NOA1: variants seen among roughly 807,000 people sequenced by gnomAD.
NOA1 encodes nitric oxide associated 1.
In NOA1, 35 loss-of-function variants were observed where a neutral mutation model predicts 58.4. The ratio of observed to expected loss-of-function variants is 0.60; its 90% CI spans 0.46 to 0.79. The LOEUF is 0.79. Ranked by LOEUF, NOA1 falls within the 30% of genes least tolerant of loss-of-function variation. NOA1 has a pLI of 0.00. For synonymous variants in NOA1, 397 were observed against 373.4 expected, an observed-to-expected ratio of 1.06 and a Z score of -0.73; for missense variants, 895 against 894.6, an observed-to-expected ratio of 1.00 and a Z score of -0.01.
intron 6 of NOA1, among the ~76,000 whole-genome samples, 189 bp downstream of exon 6, chr4:56,964,217 G>T (rs918810003): frequency 6.6e-6 from 1 of 151,970 alleles, no homozygotes; most frequent in Non-Finnish European, 1.5e-5. Flanking sequence ...ACAGGCATGC[G>T]CCACCATGCC....
Position 56,977,386 on chromosome 4 carries a change from TCAC to T in NOA1, c.197_199del (p.Gly66del), listed in dbSNP as rs772675479. ...CGGGAACAGAAAACGCTCCTGCATGTCACCACCTTCTCCAAAGCCCTCCGTGTC... is the reference window on the plus strand; with the variant it reads ...CGGGAACAGAAAACGCTCCTGCATGTCACCTTCTCCAAAGCCCTCCGTGTC... On this transcript the variant is annotated inframe_deletion, in exon 1 of 7. Transcript: ENST00000264230. 6.8e-6 allele frequency: 11 copies of T among 1,614,172 alleles called. No homozygotes were observed. The Admixed American group carries it at 1.7e-4, about 24-fold the overall frequency.
Position 56,974,804 on chromosome 4 carries a change from C to T in NOA1, c.1145-782G>A, listed in dbSNP as rs184332696. Among the ~76,000 whole-genome samples the T allele has an allele frequency of 6.2e-3, 940 of 151,974 alleles. 4 individuals are homozygous for T. Among genetic ancestry groups the T allele is most frequent in the Non-Finnish European group, 0.01 (711 of 67,958 alleles). ...CTTGGCTCAGCCTCCCAGGTTCAAG[C>T]GATTCTTCACCCTCAGCCTCCTGAG... On this transcript the variant is annotated intron_variant, in intron 1 of 6. Coordinates refer to ENST00000264230, the MANE Select transcript of NOA1 (RefSeq NM_032313.4).
chr4:56,971,583 GT>G (rs1721812072), intron 3 of NOA1, among the ~76,000 whole-genome samples: 1 of 152,174 alleles, frequency 6.6e-6, no homozygotes, highest in South Asian at 2.1e-4. Flanking sequence ...AACCAATGTG[GT>G]TTTGTAGGGA....
In NOA1 at chr4:56,977,020, C is replaced by T. The variant is rs751399381; in HGVS notation, c.566G>A (p.Arg189Gln). Residue 189 changes from arginine (R) to glutamine (Q), a missense_variant, in exon 1 of 7, where the codon CGG becomes CAG. Physicochemically the swap from Arg to Gln is conservative, Grantham distance 43. Transcript: ENST00000264230. ...GCTCACCTGCAGGCGTAGAGCGCGC[C>T]GGTGGTGCGACAGCAGCCAGCAGCG... ...CQRCWLLSHH[R>Q]RALRLQVSRE... 1.3e-6 allele frequency: 2 copies of T among 1,589,820 alleles called. No homozygotes were observed. The highest frequency in any genetic ancestry group is 3.4e-5 in the Admixed American group (2 of 59,280).
chr4:56,973,818 G>C, intron 2 of NOA1, 40 bp downstream of exon 2: 1 of 1,598,126 alleles, frequency 6.3e-7, no homozygotes, highest in Non-Finnish European at 8.5e-7. Context: ...AAGAATTTTA[G>C]CATAGTACCA....
chr4:56,971,079 G>C (rs1373636979), intron 3 of NOA1, among the ~76,000 whole-genome samples: 2 of 152,144 alleles, frequency 1.3e-5, no homozygotes, highest in African/African-American at 4.8e-5. Context: ...TTGGGAGGCT[G>C]AAGTGGGTGG....
rs968952723 is a variant in NOA1 at position 56,976,993 on chromosome 4, C to T, written c.593G>A (p.Arg198His). The change falls in exon 1 of 7, where the codon CGC (arginine) becomes CAC (histidine). Residue 198 changes from arginine to histidine, a missense_variant. Around this residue, in one of 3 missense-constraint regions of NOA1, gnomAD observed 680 missense variants for 656.5 expected, o/e 1.04. Transcript: ENST00000264230. ...HRRALRLQVS[R>H]EQYLELVSAA... The stretch of plus-strand genomic sequence containing the variant: ...GCTCACCAGCTCCAGGTACTGCTCG[C>T]GGCTCACCTGCAGGCGTAGAGCGCG... 2 of 1,594,624 alleles carry T rather than the reference C, an allele frequency of 1.3e-6. No individual in the cohort carries two copies. The highest frequency in any genetic ancestry group is 1.1e-5 in the South Asian group (1 of 90,750).
At chr4:56,967,934 T>C (rs962626383) in intron 4 of NOA1, among the ~76,000 whole-genome samples, 32 of 151,876 alleles carry the variant, frequency 2.1e-4, no homozygotes, top group Non-Finnish European at 4.4e-4. Context: ...TTTTTTTTTT[T>C]TGATATGGAG....
At chr4:56,973,085 C>T in intron 3 of NOA1, 63 bp downstream of exon 3, 1 of 1,426,770 alleles carries the variant, frequency 7.0e-7, no homozygotes, top group Admixed American at 1.7e-5. Flanking sequence ...GGGCAGCAGG[C>T]AATATAAACC....
intron 1 of NOA1, among the ~76,000 whole-genome samples, chr4:56,975,319 G>C (rs995010509): frequency 6.7e-6 from 1 of 150,210 alleles, no homozygotes; most frequent in Non-Finnish European, 1.5e-5. Flanking sequence ...CACTGAGCCC[G>C]GCAAAGCCAC....
In NOA1 at chr4:56,968,566, ATATAT is replaced by A. The variant is rs752801470; in HGVS notation, c.1516-56_1516-52del. 10 of 1,381,474 alleles carry A rather than the reference ATATAT, an allele frequency of 7.2e-6. No individual in the cohort carries two copies. In the Admixed American group the frequency reaches 8.8e-5, roughly 12 times the overall value. 85.6% of individuals were successfully genotyped at this position (1,381,474 alleles called of 1,614,324 possible). Reference sequence around the variant, plus strand: ...AGAAAATACTTTTATTGAAAATATGATATATTATGATTTACCCGTAAAATAAAAAG... The same window carrying A: ...AGAAAATACTTTTATTGAAAATATGATATGATTTACCCGTAAAATAAAAAG... On this transcript the variant is annotated intron_variant, in intron 3 of 6. Coordinates refer to ENST00000264230, the MANE Select transcript of NOA1 (RefSeq NM_032313.4).
chr4:56,974,031 C>G lies in NOA1; in HGVS notation c.1145-9G>C, dbSNP rs370411226. ...AAGGTTTAATGTAGTACCTGAAATA[C>G]ACAGAATAAATACATCTTTACAAAA... On this transcript the variant is annotated splice_polypyrimidine_tract_variant and intron_variant, in intron 1 of 6. Transcript: ENST00000264230. The G allele has an allele frequency of 1.1e-5, 17 of 1,601,074 alleles. No individual in the cohort carries two copies. Among genetic ancestry groups the G allele is most frequent in the Non-Finnish European group, 1.4e-5 (16 of 1,168,858 alleles).
At chr4:56,965,521 A>G (rs1315709064) in intron 5 of NOA1, among the ~76,000 whole-genome samples, 1 of 152,196 alleles carries the variant, frequency 6.6e-6, no homozygotes, top group African/African-American at 2.4e-5. Context: ...CAAGGAAAAC[A>G]TTAGTAAAGA....
chr4:56,966,192 A>G lies in NOA1; in HGVS notation c.1764+428T>C, dbSNP rs142537353. On this transcript the variant is annotated intron_variant, in intron 5 of 6. Transcript: ENST00000264230. ...CAGGCACCCATCACCACGCCTGGCTAATTTTTGTATTTTTAGTAGAGATGG... is the reference window on the plus strand; with the variant it reads ...CAGGCACCCATCACCACGCCTGGCTGATTTTTGTATTTTTAGTAGAGATGG... Among the ~76,000 whole-genome samples the G allele has an allele frequency of 2.1e-3, 315 of 151,894 alleles. 1 individual carries two copies. The highest frequency in any genetic ancestry group is 7.3e-3 in the African/African-American group (301 of 41,412).
Position 56,973,904 on chromosome 4 carries a change from T to A in NOA1, c.1263A>T (p.Gln421His), listed in dbSNP as rs1475233803. Residue 421 changes from glutamine to histidine, a missense_variant, in exon 2 of 7, where the codon CAA (glutamine) becomes CAT (histidine). This residue lies in a region of NOA1 where 680 missense variants were observed against 656.5 expected (regional missense o/e 1.04). Transcript: ENST00000264230. Reference sequence around the variant, plus strand: ...TGAGGACATTAAGCTGATTTTGTTCTTGCTCACTAAGATCTTCTTCAGCTT... The same window carrying A: ...TGAGGACATTAAGCTGATTTTGTTCATGCTCACTAAGATCTTCTTCAGCTT... ...STQAEEDLSE[Q>H]EQNQLNVLKK... is the part of the protein sequence containing the mutation. The A allele has an allele frequency of 6.2e-7, 1 of 1,614,216 alleles. No homozygotes were observed. Among genetic ancestry groups the A allele is most frequent in the Non-Finnish European group, 8.5e-7 (1 of 1,180,034 alleles).
chr4:56,965,693 G>GGTGTGTGTGT lies in NOA1; in HGVS notation c.1764+917_1764+926dup, dbSNP rs10548713. Among the ~76,000 whole-genome samples, 217 of 149,158 alleles carry GGTGTGTGTGT rather than the reference G, an allele frequency of 1.5e-3. 1 individual carries two copies. Among genetic ancestry groups the GGTGTGTGTGT allele is most frequent in the African/African-American group, 4.2e-3 (170 of 40,470 alleles). ...ACTATAGCTTAATTGTCCAAAGTATGGTGTGTGTGTGTGTGTGTGTGTGTG... is the reference window on the plus strand; with the variant it reads ...ACTATAGCTTAATTGTCCAAAGTATGGTGTGTGTGTGTGTGTGTGTGTGTGTGTGTGTGTG... On this transcript the variant is annotated intron_variant, in intron 5 of 6. Coordinates refer to ENST00000264230, the MANE Select transcript of NOA1 (RefSeq NM_032313.4).
intron 5 of NOA1, among the ~76,000 whole-genome samples, chr4:56,965,482 T>TGAAG (rs1318410300): frequency 1.3e-5 from 2 of 151,992 alleles, no homozygotes; most frequent in African/African-American, 4.8e-5. Flanking sequence ...ACTATGGTTG[T>TGAAG]GAAGGAAGGA....
At position 56,977,536 on chromosome 4, in the gene NOA1, C is replaced by A; in HGVS notation, c.50G>T (p.Gly17Val). ...ATGGCGCGCTGCCGTGGGAGCGGATCCACGAAGGAAAAGGCTCAGCAGCCT... is the reference window on the plus strand; with the variant it reads ...ATGGCGCGCTGCCGTGGGAGCGGATACACGAAGGAAAAGGCTCAGCAGCCT... ...PFRLLSLFLR[G>V]SAPTAARHGL... Residue 17 changes from glycine (G) to valine (V), a missense_variant, in exon 1 of 7, where the codon GGA becomes GTA. Physicochemically the swap from Gly to Val is moderately radical, Grantham distance 109. This residue lies in a region of NOA1 where 680 missense variants were observed against 656.5 expected (regional missense o/e 1.04). Transcript: ENST00000264230. The A allele has an allele frequency of 6.2e-7, 1 of 1,612,026 alleles. No individual in the cohort carries two copies. Among genetic ancestry groups the A allele is most frequent in the South Asian group, 1.1e-5 (1 of 90,974 alleles).
chr4:56,977,501 C>T lies in NOA1; in HGVS notation c.85G>A (p.Glu29Lys). The stretch of plus-strand genomic sequence containing the variant: ...GCGCACCTCCTCTCCAGGAGCGGCT[C>T]CCGGAGGCCATGGCGCGCTGCCGTG... ...APTAARHGLREPLLERRCAAA... is the reference protein window; with the variant it reads ...APTAARHGLRKPLLERRCAAA... Residue 29 changes from glutamate (E) to lysine (K), a missense_variant, in exon 1 of 7, where the codon GAG (glutamate) becomes AAG (lysine). Physicochemically the swap from Glu to Lys is moderately conservative, Grantham distance 56. Around this residue, in one of 3 missense-constraint regions of NOA1, gnomAD observed 680 missense variants for 656.5 expected, o/e 1.04. Coordinates refer to ENST00000264230, the MANE Select transcript of NOA1 (RefSeq NM_032313.4). 2 of 1,613,646 alleles carry T rather than the reference C, an allele frequency of 1.2e-6. No individual in the cohort carries two copies. Among genetic ancestry groups the T allele is most frequent in the Admixed American group, 1.7e-5 (1 of 60,020 alleles).
Sources: allele counts gnomAD v4.1 joint callset (sites outside exome capture counted in the v4.1 genomes callset), GRCh38; gene constraint gnomAD v4.1.1; regional missense constraint gnomAD v4.1.1; transcripts MANE v1.5; gene names NCBI Gene and HGNC (gene_info 2026-07-23, HGNC 2026-07-21).